The following PPP5C variants were observed in gnomAD, a reference collection of about 807,000 sequenced individuals.
PPP5C encodes the protein protein phosphatase 5 catalytic subunit.
Under a neutral mutation model 66.7 loss-of-function variants are expected in PPP5C, and 21 were observed. The observed-to-expected ratio is 0.31, with a 90% CI of 0.22 to 0.45. PPP5C has a LOEUF of 0.45. PPP5C is among the 20% of genes least tolerant of loss of function. The probability of loss-of-function intolerance (pLI) is 1.00; values close to 1 mark genes in which losing one functional copy is unlikely to be tolerated. For missense variants in PPP5C, 464 were observed against 675.9 expected (o/e 0.69, Z 3.48); for synonymous variants, 246 against 257.4 (o/e 0.96, Z 0.43).
At chr19:46,347,307 T>C (rs1972099933) in intron 1 of PPP5C, 90 bp downstream of exon 1, 15 of 1,468,640 alleles carry the variant, frequency 1.0e-5, no homozygotes, top group African/African-American at 2.8e-5. Flanking sequence ...AGCTGCAGCC[T>C]GGGCGCGGGG....
intron 1 of PPP5C, among the ~76,000 whole-genome samples, chr19:46,349,317 G>A (rs890604736): frequency 6.6e-6 from 1 of 152,016 alleles, no homozygotes; most frequent in Non-Finnish European, 1.5e-5. Context: ...AAGATGCAGT[G>A]TCAGGGAAAG....
chr19:46,347,435 G>A (rs1167698114), intron 1 of PPP5C, among the ~76,000 whole-genome samples: 1 of 152,160 alleles, frequency 6.6e-6, no homozygotes, highest in Non-Finnish European at 1.5e-5. Flanking sequence ...GCTACTCAGT[G>A]GAGAGACTGA....
chr19:46,355,257 C>T (rs11673035), intron 2 of PPP5C, among the ~76,000 whole-genome samples: 5 of 148,366 alleles, frequency 3.4e-5, no homozygotes, highest in Non-Finnish European at 7.5e-5. Flanking sequence ...CAGTGTGTGT[C>T]GAGAGGATTG....
chr19:46,361,914 A>G lies in PPP5C; in HGVS notation c.363+7925A>G, dbSNP rs79915371. 3.3e-5 allele frequency among the ~76,000 whole-genome samples: 5 copies of G among 152,358 alleles called. No homozygotes were observed. In the East Asian group the frequency reaches 7.7e-4, roughly 23 times the overall value. Reference sequence around the variant, plus strand: ...TCTCAATCAGCTTTGACCATACAAAATAAGATTTCCATGAATCTTTTGTAA... The same window carrying G: ...TCTCAATCAGCTTTGACCATACAAAGTAAGATTTCCATGAATCTTTTGTAA... On this transcript the variant is annotated intron_variant, in intron 2 of 12. Transcript: ENST00000012443.
At position 46,387,436 on chromosome 19, in the gene PPP5C, G is replaced by A. The variant is rs771963783; in HGVS notation, c.1118G>A (p.Arg373Gln). 2.5e-6 allele frequency: 4 copies of A among 1,613,572 alleles called. No homozygotes were observed. The highest frequency in any genetic ancestry group is 2.2e-5 in the South Asian group (2 of 91,074). ...GACATCCGGAAAATTGAGCGGAATC[G>A]ACAACCCCCAGATTCAGGTGAGCAG... ...LDDIRKIERN[R>Q]QPPDSGPMCD... is the part of the protein sequence containing the mutation. Residue 373 changes from arginine (R) to glutamine (Q), a missense_variant, in exon 9 of 13, where the codon CGA becomes CAA. Coordinates refer to ENST00000012443, the MANE Select transcript of PPP5C (RefSeq NM_006247.4).
chr19:46,367,224 C>G (rs1972506160), intron 2 of PPP5C, among the ~76,000 whole-genome samples: 2 of 152,332 alleles, frequency 1.3e-5, no homozygotes, highest in Middle Eastern at 6.8e-3. Flanking sequence ...TAGGAATTAT[C>G]CCTGCTTCCA....
chr19:46,377,843 A>AT (rs1028523028), intron 4 of PPP5C, among the ~76,000 whole-genome samples: 10 of 152,232 alleles, frequency 6.6e-5, no homozygotes, highest in Non-Finnish European at 1.5e-4. Flanking sequence ...CAAGTCCTCC[A>AT]TTGTCTGAAC....
Position 46,353,450 on chromosome 19 carries a change from T to C in PPP5C, c.122-298T>C, listed in dbSNP as rs562010002. 2.7e-5 allele frequency among the ~76,000 whole-genome samples: 4 copies of C among 145,628 alleles called. No homozygotes were observed. The East Asian group carries it at 8.5e-4, about 31-fold the overall frequency. On this transcript the variant is annotated intron_variant, in intron 1 of 12. Transcript: ENST00000012443. ...CAAGGCTCAACCACCTCTGGGCCTC[T>C]GCACCTGCTCTTCTTGCTATCGGAG... is the stretch of plus-strand genomic sequence containing the variant.
In PPP5C at chr19:46,388,194, G is replaced by A. The variant is rs1972925170; in HGVS notation, c.1136-214G>A. On this transcript the variant is annotated intron_variant, in intron 9 of 12. Transcript: ENST00000012443. The surrounding 1 kb of genome is among the most constrained non-coding windows in gnomAD (Gnocchi z 4.9). ...GCTTCGGGGCCACAGGGGATTGAAT[G>A]GGGTCTGGAGGGCAGATCAGCAGAG... 3.7e-6 allele frequency: 2 copies of A among 536,318 alleles called. No individual in the cohort carries two copies. The highest frequency in any genetic ancestry group is 3.2e-5 in the Admixed American group (1 of 31,436). The allele number at this position is 536,318 out of a possible 1,614,324, so 33.2% of individuals were successfully genotyped here.
chr19:46,388,331 G>A lies in PPP5C; in HGVS notation c.1136-77G>A, dbSNP rs777897907. 2.0e-5 allele frequency: 30 copies of A among 1,471,076 alleles called. No homozygotes were observed. The highest frequency in any genetic ancestry group is 8.4e-5 in the African/African-American group (6 of 71,542). The allele number at this position is 1,471,076 out of a possible 1,614,324, so 91.1% of individuals were successfully genotyped here. On this transcript the variant is annotated intron_variant, in intron 9 of 12. Coordinates refer to ENST00000012443, the MANE Select transcript of PPP5C (RefSeq NM_006247.4). The surrounding 1 kb of genome is among the most constrained non-coding windows in gnomAD (Gnocchi z 4.9). ...TGGGCTGTGGGGTCAGCACCTGGCC[G>A]GGCCAGGAGGTGGCCTGTGAGTGAC...
chr19:46,376,508 T>C lies in PPP5C; in HGVS notation c.567T>C (p.Ser189=). The change falls in exon 4 of 13, where the codon AGT becomes AGC. Residue 189 remains serine, a synonymous_variant. Coordinates refer to ENST00000012443, the MANE Select transcript of PPP5C (RefSeq NM_006247.4). This position sits in a 1 kb window ranked among gnomAD's most constrained non-coding sequence, Gnocchi z 5.1. ...TTGAAGACGGCAAAGTGACAATCAG[T>C]TTCATGAAGGAGCTCATGCAGTGGT... is the stretch of plus-strand genomic sequence containing the variant. ...PKLEDGKVTI[S]FMKELMQWYK... is the part of the protein sequence containing the mutation. The C allele has an allele frequency of 6.2e-7, 1 of 1,613,814 alleles. No individual in the cohort carries two copies. The highest frequency in any genetic ancestry group is 8.5e-7 in the Non-Finnish European group (1 of 1,179,900).
At chr19:46,357,725 AAAGGCTGCTAC>A (rs1303629132) in intron 2 of PPP5C, among the ~76,000 whole-genome samples, 3 of 152,190 alleles carry the variant, frequency 2.0e-5, no homozygotes, top group African/African-American at 7.2e-5. Context: ...AGCTTATTAT[AAAGGCTGCTAC>A]AAAGGATACA....
intron 2 of PPP5C, among the ~76,000 whole-genome samples, chr19:46,371,879 G>A (rs1437451981): frequency 1.3e-5 from 2 of 152,152 alleles, no homozygotes; most frequent in Admixed American, 6.5e-5. Flanking sequence ...TATTCAGAAT[G>A]CCCTGTTACA....
At chr19:46,355,530 C>T (rs1014065957) in intron 2 of PPP5C, among the ~76,000 whole-genome samples, 4 of 148,748 alleles carry the variant, frequency 2.7e-5, no homozygotes, top group African/African-American at 1.0e-4. Context: ...CCAGGGGACA[C>T]ATGTTAGGAT....
intron 2 of PPP5C, among the ~76,000 whole-genome samples, chr19:46,368,544 T>G (rs1009295314): frequency 6.6e-5 from 10 of 152,232 alleles, no homozygotes; most frequent in Admixed American, 2.0e-4. Flanking sequence ...TTTTTATTAA[T>G]TTGTTACCTT....
intron 2 of PPP5C, among the ~76,000 whole-genome samples, chr19:46,368,831 A>G (rs930742723): frequency 2.0e-5 from 3 of 152,162 alleles, no homozygotes; most frequent in Non-Finnish European, 4.4e-5. Context: ...TCCATTAGTG[A>G]GTTATTTCAC....
chr19:46,387,905 C>A, intron 9 of PPP5C: 1 of 358,434 alleles, frequency 2.8e-6, no homozygotes, highest in South Asian at 3.0e-5. Context: ...GCTGACACTG[C>A]GGGAAGCAGA....
chr19:46,390,593 G>A lies in PPP5C; in HGVS notation c.*247G>A. On this transcript the variant is annotated 3_prime_UTR_variant, in exon 13 of 13. Coordinates refer to ENST00000012443, the MANE Select transcript of PPP5C (RefSeq NM_006247.4). ...AGCTGGGGCTGGGGGCACAGCCTGG[G>A]CATTCTGTGGGGAGGCCGTCCTCGG... is the stretch of plus-strand genomic sequence containing the variant. 19 of 1,384,794 alleles carry A rather than the reference G, an allele frequency of 1.4e-5. No homozygotes were observed. Among genetic ancestry groups the A allele is most frequent in the East Asian group, 2.7e-5 (1 of 36,686 alleles). The allele number at this position is 1,384,794 out of a possible 1,614,324, so 85.8% of individuals were successfully genotyped here.
intron 1 of PPP5C, among the ~76,000 whole-genome samples, chr19:46,351,542 G>A (rs1392495939): frequency 6.6e-6 from 1 of 152,238 alleles, no homozygotes; most frequent in Admixed American, 6.5e-5. Flanking sequence ...TCGAGTTAGA[G>A]ATCTGCAGAG....
Sources: gnomAD v4.1 joint callset for allele counts (sites outside exome capture counted in the v4.1 genomes callset) on GRCh38, gnomAD v4.1.1 for gene constraint, Gnocchi (gnomAD v3.1) non-coding constraint, MANE v1.5 for transcripts, NCBI Gene and HGNC (gene_info 2026-07-23, HGNC 2026-07-21) for gene names.